L3MBTL4: variants seen among roughly 807,000 people sequenced by gnomAD.
The protein encoded by L3MBTL4 is lethal(3)malignant brain tumor-like protein 4.
In L3MBTL4, 70 loss-of-function variants were observed where a neutral mutation model predicts 84.5. The ratio of observed to expected loss-of-function variants is 0.83; its 90% CI spans 0.68 to 1.01. The LOEUF (loss-of-function observed/expected upper bound fraction) is 1.01, where lower values mean the gene tolerates loss of function less well. Among genes scored for constraint, L3MBTL4 ranks in the 50% least tolerant of loss-of-function variants. The pLI is 0.00. For synonymous variants in L3MBTL4, 274 were observed against 259.8 expected, an observed-to-expected ratio of 1.05 and a Z score of -0.52; for missense variants, 715 against 754.8, an observed-to-expected ratio of 0.95 and a Z score of 0.62.
At chr18:6,083,074 A>C (rs2058133885) in intron 15 of L3MBTL4, among the ~76,000 whole-genome samples, 2 of 152,182 alleles carry the variant, frequency 1.3e-5, no homozygotes. Context: ...ATGGAGCCAA[A>C]ATCAGGTCTT....
At chr18:6,204,982 T>C (rs1348047008) in intron 12 of L3MBTL4, among the ~76,000 whole-genome samples, 1 of 152,214 alleles carries the variant, frequency 6.6e-6, no homozygotes, top group Admixed American at 6.5e-5. Context: ...TACTTTTATG[T>C]AAAACAATTG....
In L3MBTL4 at chr18:6,164,945, C is replaced by T. The variant is rs146005074; in HGVS notation, c.1096+6883G>A. ...TTAAAAACCTTGAAAAAAGATTAGA[C>T]GAATGGCTAACTAGAATAATCAACG... is the stretch of plus-strand genomic sequence containing the variant. On this transcript the variant is annotated intron_variant, in intron 13 of 18. Transcript: ENST00000317931. 6.7e-3 allele frequency among the ~76,000 whole-genome samples: 1,022 copies of T among 152,240 alleles called. 26 individuals carry two copies. The highest frequency in any genetic ancestry group is 0.052 in the Admixed American group (794 of 15,292).
At chr18:5,976,624 G>A (rs1303486686) in intron 16 of L3MBTL4, among the ~76,000 whole-genome samples, 2 of 152,152 alleles carry the variant, frequency 1.3e-5, no homozygotes, top group African/African-American at 2.4e-5. Context: ...GTCTGTCTGG[G>A]GGATGACTTG....
chr18:6,373,313 A>G (rs1173816846), intron 1 of L3MBTL4, among the ~76,000 whole-genome samples: 1 of 152,208 alleles, frequency 6.6e-6, no homozygotes, highest in Non-Finnish European at 1.5e-5. Flanking sequence ...CCCAAAGGGC[A>G]GTCAAAAGGC....
At chr18:6,088,478 C>A (rs2058333845) in intron 15 of L3MBTL4, among the ~76,000 whole-genome samples, 2 of 152,090 alleles carry the variant, frequency 1.3e-5, no homozygotes, top group Non-Finnish European at 2.9e-5. Flanking sequence ...GGAGGAGATG[C>A]AGGCAGGAGT....
At chr18:6,131,339 T>G (rs1451491097) in intron 14 of L3MBTL4, among the ~76,000 whole-genome samples, 1 of 152,208 alleles carries the variant, frequency 6.6e-6, no homozygotes, top group African/African-American at 2.4e-5. Context: ...GTCAACTAAG[T>G]TGTTTTATAC....
intron 1 of L3MBTL4, among the ~76,000 whole-genome samples, chr18:6,391,964 C>A (rs1268855321): frequency 6.6e-6 from 1 of 152,078 alleles, no homozygotes; most frequent in African/African-American, 2.4e-5. Context: ...TATCAGAACA[C>A]CAATATCATT....
intron 1 of L3MBTL4, among the ~76,000 whole-genome samples, chr18:6,339,472 T>A (rs957055918): frequency 2.0e-5 from 3 of 152,200 alleles, no homozygotes; most frequent in African/African-American, 4.8e-5. Flanking sequence ...AACCACAATT[T>A]GTGAGATGCA....
intron 12 of L3MBTL4, among the ~76,000 whole-genome samples, chr18:6,210,527 A>G (rs916822812): frequency 6.6e-6 from 1 of 152,188 alleles, no homozygotes; most frequent in Non-Finnish European, 1.5e-5. Flanking sequence ...CAATTACTTA[A>G]TCTCTGTGGT....
chr18:6,262,321 GC>G (rs2048442447), intron 5 of L3MBTL4, among the ~76,000 whole-genome samples: 2 of 152,160 alleles, frequency 1.3e-5, no homozygotes, highest in South Asian at 4.1e-4. Context: ...ACACTCAGAA[GC>G]GAGAAGAGTT....
At chr18:6,267,672 A>G (rs2048693594) in intron 4 of L3MBTL4, among the ~76,000 whole-genome samples, 1 of 152,218 alleles carries the variant, frequency 6.6e-6, no homozygotes, top group Non-Finnish European at 1.5e-5. Context: ...CATATTTCCA[A>G]TTGTCATGCA....
intron 15 of L3MBTL4, among the ~76,000 whole-genome samples, chr18:6,092,209 A>G (rs1290721618): frequency 6.6e-6 from 1 of 152,274 alleles, no homozygotes; most frequent in Non-Finnish European, 1.5e-5. Context: ...AAATTTAACA[A>G]AAAATGAAAT....
chr18:6,219,841 G>A (rs895537426), intron 10 of L3MBTL4, among the ~76,000 whole-genome samples: 2 of 151,944 alleles, frequency 1.3e-5, no homozygotes, highest in African/African-American at 2.4e-5. Context: ...AAAATAAGCC[G>A]TCTCCTTTAC....
At chr18:6,219,665 A>G (rs770032413) in intron 10 of L3MBTL4, among the ~76,000 whole-genome samples, 23 of 151,928 alleles carry the variant, frequency 1.5e-4, no homozygotes, top group Non-Finnish European at 2.9e-4. Flanking sequence ...CTGGGTGACA[A>G]ATATCTTCAG....
At chr18:6,100,424 T>C (rs1355137994) in intron 14 of L3MBTL4, among the ~76,000 whole-genome samples, 2 of 152,330 alleles carry the variant, frequency 1.3e-5, no homozygotes, top group South Asian at 2.1e-4. Context: ...TAAAATTGCT[T>C]GTTGAATCAT....
intron 4 of L3MBTL4, among the ~76,000 whole-genome samples, chr18:6,272,742 G>A (rs1469806234): frequency 3.1e-5 from 2 of 64,798 alleles, no homozygotes; most frequent in African/African-American, 2.2e-4. Context: ...TCAGGAGCAC[G>A]GGGAAAGGGA....
chr18:6,220,394 T>A (rs976477073), intron 10 of L3MBTL4, among the ~76,000 whole-genome samples: 6 of 152,160 alleles, frequency 3.9e-5, no homozygotes, highest in Non-Finnish European at 8.8e-5. Flanking sequence ...CAAGTTCTTG[T>A]ACTTGTTGTT....
intron 16 of L3MBTL4, chr18:6,031,041 T>G (rs927375656): frequency 1.0e-6 from 1 of 985,352 alleles, no homozygotes; most frequent in African/African-American, 1.7e-5. Context: ...GCTCTCTGGC[T>G]GGACTGCTCC....
At chr18:6,169,033 C>T (rs1279381521) in intron 13 of L3MBTL4, among the ~76,000 whole-genome samples, 2 of 152,182 alleles carry the variant, frequency 1.3e-5, no homozygotes, top group African/African-American at 2.4e-5. Context: ...TGAACAGACA[C>T]TTCTCAAAAG....
Sources: allele counts gnomAD v4.1 joint callset (sites outside exome capture counted in the v4.1 genomes callset), GRCh38; gene constraint gnomAD v4.1.1; transcripts MANE v1.5; gene names NCBI Gene and HGNC (gene_info 2026-07-23, HGNC 2026-07-21).